Variants in BNIP3 observed in about 807,000 individuals in gnomAD.
BNIP3 encodes BCL2 interacting protein 3.
BNIP3 carries 16 observed loss-of-function variants against 23.9 expected under a neutral mutation model. That is an observed-to-expected ratio of 0.67 (90% CI 0.45 to 1.01). The LOEUF is 1.01. BNIP3 is among the 50% of genes least tolerant of loss of function. The pLI is 0.00. For synonymous variants in BNIP3, 81 were observed against 89.3 expected, an observed-to-expected ratio of 0.91 and a Z score of 0.53; for missense variants, 198 against 248.7, an observed-to-expected ratio of 0.80 and a Z score of 1.37.
chr10:131,972,975 T>C, intron 3 of BNIP3, 59 bp downstream of exon 3: 2 of 1,531,844 alleles, frequency 1.3e-6, no homozygotes, highest in Non-Finnish European at 1.8e-6. Flanking sequence ...TTTAAAACCG[T>C]TTCCTGTACA....
intron 1 of BNIP3, among the ~76,000 whole-genome samples, chr10:131,978,187 T>C (rs181545987): frequency 1.3e-5 from 2 of 152,208 alleles, no homozygotes; most frequent in African/African-American, 2.4e-5. Flanking sequence ...CTCACTCACT[T>C]ATAATTTACA....
rs1009386206 is a variant in BNIP3, at chr10:131,981,341, T to C, written c.46+420A>G. On this transcript the variant is annotated intron_variant, in intron 1 of 5. Coordinates refer to ENST00000368636, the MANE Select transcript of BNIP3 (RefSeq NM_004052.4). Reference sequence around the variant, plus strand: ...AAAATTAAAGCTCATAACAGGCCACTTGCCACGCCTTGGTGTTTGGTCATT... The same window carrying C: ...AAAATTAAAGCTCATAACAGGCCACCTGCCACGCCTTGGTGTTTGGTCATT... 2.1e-5 allele frequency: 5 copies of C among 240,324 alleles called. No homozygotes were observed. The East Asian group carries it at 3.9e-4, about 19-fold the overall frequency. 14.9% of individuals were successfully genotyped at this position (240,324 alleles called of 1,614,324 possible).
rs2133685688 is a variant in BNIP3 at position 131,967,703 on chromosome 10, ATTTATT to A, written c.*815_*820del. On this transcript the variant is annotated 3_prime_UTR_variant, in exon 6 of 6. Transcript: ENST00000368636. ...CAGTAATCTGAAGGATTTGGCAAAG[ATTTATT>A]TTTTTTTCCATTTCCAGTTTTTTAA... is the stretch of plus-strand genomic sequence containing the variant. The A allele has an allele frequency of 6.5e-6, 1 of 152,694 alleles. No homozygotes were observed. Among genetic ancestry groups the A allele is most frequent in the South Asian group, 2.1e-4 (1 of 4,826 alleles). 9.5% of individuals were successfully genotyped at this position (152,694 alleles called of 1,614,324 possible). A position where few individuals can be genotyped will look rare whatever the true frequency, so the allele number is the denominator to read the frequency against.
Position 131,973,525 on chromosome 10 carries a change from G to A in BNIP3, c.197+268C>T, listed in dbSNP as rs546304235. 7.6e-6 allele frequency: 4 copies of A among 526,980 alleles called. No individual in the cohort carries two copies. The East Asian group carries it at 1.3e-4, about 17-fold the overall frequency. 32.6% of individuals were successfully genotyped at this position (526,980 alleles called of 1,614,324 possible). Reference sequence around the variant, plus strand: ...CACAGCCCCGCTGAGGCGCGTGAGTGCGTTTCTCAGAGTGGGGTTTGTGGC... The same window carrying A: ...CACAGCCCCGCTGAGGCGCGTGAGTACGTTTCTCAGAGTGGGGTTTGTGGC... On this transcript the variant is annotated intron_variant, in intron 2 of 5. Transcript: ENST00000368636.
intron 1 of BNIP3, chr10:131,981,336 G>A (rs567674667): frequency 2.5e-4 from 58 of 232,590 alleles, no homozygotes; most frequent in African/African-American, 1.2e-3. Flanking sequence ...CTCATAACAG[G>A]CCACTTGCCA....
chr10:131,973,496 C>T (rs1329934214), intron 2 of BNIP3: 11 of 487,128 alleles, frequency 2.3e-5, no homozygotes, highest in East Asian at 7.0e-5. Context: ...GCTCCTCCTG[C>T]GACCACAGCC....
chr10:131,975,914 A>T (rs1258782662), intron 1 of BNIP3, among the ~76,000 whole-genome samples: 1 of 152,206 alleles, frequency 6.6e-6, no homozygotes, highest in African/African-American at 2.4e-5. Flanking sequence ...AGCTCAATGG[A>T]GGAGAAAGGC....
chr10:131,971,396 T>C (rs1439451064), intron 3 of BNIP3: 1 of 203,516 alleles, frequency 4.9e-6, no homozygotes, highest in Non-Finnish European at 1.0e-5. Flanking sequence ...GAAGGGACAC[T>C]GTATAGTGAG....
At chr10:131,971,230 T>C in intron 3 of BNIP3, 1 of 484,816 alleles carries the variant, frequency 2.1e-6, no homozygotes, top group Admixed American at 3.5e-5. Context: ...CGTAAATACA[T>C]TTGGTTCACT....
At chr10:131,968,641 G>T (rs2036992590) in intron 5 of BNIP3, 72 bp from the exon 6 acceptor site, 2 of 1,380,400 alleles carry the variant, frequency 1.4e-6, no homozygotes, top group Non-Finnish European at 1.0e-6. Context: ...CTGAAACAGG[G>T]TAGCTCACTG....
At chr10:131,975,219 C>T (rs769444454) in intron 1 of BNIP3, among the ~76,000 whole-genome samples, 36 of 152,252 alleles carry the variant, frequency 2.4e-4, no homozygotes, top group Middle Eastern at 3.2e-3. Flanking sequence ...CAGCTCCCGC[C>T]TCACTCTGCG....
At chr10:131,971,508 A>G (rs1283796806) in intron 3 of BNIP3, 1 of 153,916 alleles carries the variant, frequency 6.5e-6, no homozygotes, top group Non-Finnish European at 1.4e-5. Context: ...AACAGCACGA[A>G]ACATTAAAGA....
In BNIP3 at chr10:131,968,429, A is replaced by G. The variant is rs2036990343; in HGVS notation, c.*95T>C. The G allele has an allele frequency of 3.0e-6, 3 of 992,348 alleles. No individual in the cohort carries two copies. Among genetic ancestry groups the G allele is most frequent in the Non-Finnish European group, 4.7e-6 (3 of 631,724 alleles). 61.5% of individuals were successfully genotyped at this position (992,348 alleles called of 1,614,324 possible). ...TTTACAGAACAAATAAACACAAGTG[A>G]CGTGGCCACCCCAGGATCTAACAGC... On this transcript the variant is annotated 3_prime_UTR_variant, in exon 6 of 6. Transcript: ENST00000368636.
chr10:131,968,711 G>T, intron 5 of BNIP3, 142 bp from the exon 6 acceptor site: 1 of 614,950 alleles, frequency 1.6e-6, no homozygotes, highest in Non-Finnish European at 2.9e-6. Context: ...ATTTTGTAAT[G>T]AATCTATCTG....
intron 1 of BNIP3, among the ~76,000 whole-genome samples, chr10:131,979,220 A>G (rs1415943741): frequency 2.0e-5 from 3 of 152,210 alleles, no homozygotes; most frequent in African/African-American, 7.2e-5. Flanking sequence ...GTGACCATCT[A>G]TGAAATGCAA....
At chr10:131,974,227 C>G (rs2037063312) in intron 1 of BNIP3, among the ~76,000 whole-genome samples, 1 of 152,206 alleles carries the variant, frequency 6.6e-6, no homozygotes. Flanking sequence ...TCCAATAACT[C>G]TGCTGAGTCA....
chr10:131,981,017 G>A (rs1194488772), intron 1 of BNIP3: 3 of 149,924 alleles, frequency 2.0e-5, no homozygotes, highest in East Asian at 1.9e-4. Context: ...CCTGCACCCC[G>A]GGCCTGCGTT....
rs2133690367 is a variant in BNIP3 at position 131,970,950 on chromosome 10, T to C, written c.303A>G (p.Glu101=). The C allele has an allele frequency of 1.9e-6, 3 of 1,614,112 alleles. No individual in the cohort carries two copies. The South Asian group carries it at 3.3e-5, about 18-fold the overall frequency. ...NSSQSEEDDI[E]RRKEVESILK... ...AGATGCTTTCAACTTCTTTCCTTCT[T>C]TCAATATCATCTTCCTCAGACTAAG... Residue 101 remains glutamate (E), a synonymous_variant, in exon 4 of 6, where the codon GAA becomes GAG. Transcript: ENST00000368636. The surrounding 1 kb of genome is among the most constrained non-coding windows in gnomAD (Gnocchi z 4.1).
At chr10:131,981,135 C>A (rs764944900) in intron 1 of BNIP3, 1 of 152,230 alleles carries the variant, frequency 6.6e-6, no homozygotes, top group Non-Finnish European at 1.5e-5. Flanking sequence ...CGGGCAGCGT[C>A]CTTTTGCTTG....
Sources: gnomAD v4.1 joint callset for allele counts (sites outside exome capture counted in the v4.1 genomes callset) on GRCh38, gnomAD v4.1.1 for gene constraint, Gnocchi (gnomAD v3.1) non-coding constraint, MANE v1.5 for transcripts, NCBI Gene and HGNC (gene_info 2026-07-23, HGNC 2026-07-21) for gene names.